CPB2: variants seen among roughly 807,000 people sequenced by gnomAD.
CPB2 encodes carboxypeptidase B2, also known as carboxypeptidase B-like protein.
In CPB2, 54 loss-of-function variants were observed where a neutral mutation model predicts 57.0. The ratio of observed to expected loss-of-function variants is 0.95; its 90% confidence interval spans 0.76 to 1.19. The LOEUF (loss-of-function observed/expected upper bound fraction) is 1.19. CPB2 is among the 50% of genes most tolerant of loss of function. The probability of loss-of-function intolerance (pLI) is 0.00; values close to 1 mark genes in which losing one functional copy is unlikely to be tolerated. For synonymous variants in CPB2, 189 were observed against 178.1 expected, an observed-to-expected ratio of 1.06 and a Z score of -0.49; for missense variants, 426 against 512.0, an observed-to-expected ratio of 0.83 and a Z score of 1.62.
chr13:46,082,743 A>G (rs1201476718), intron 3 of CPB2, among the ~76,000 whole-genome samples, 194 bp from the exon 4 acceptor site: 5 of 152,232 alleles, frequency 3.3e-5, no homozygotes, highest in African/African-American at 1.2e-4. Context: ...TAGAGCCTAC[A>G]TGGGCACTAG....
chr13:46,071,582 G>A (rs948447882), intron 6 of CPB2, among the ~76,000 whole-genome samples: 3 of 152,124 alleles, frequency 2.0e-5, no homozygotes, highest in Non-Finnish European at 4.4e-5. Flanking sequence ...AGAGTTGGAG[G>A]GGAATAAAGA....
Position 46,082,327 on chromosome 13 carries a change from T to C in CPB2, c.384+114A>G, listed in dbSNP as rs143545360. ...CATTTAATTAACCTAAGTGTGTTTGTGTTTTATTTTTTACCATCTTCCACC... is the reference window on the plus strand; with the variant it reads ...CATTTAATTAACCTAAGTGTGTTTGCGTTTTATTTTTTACCATCTTCCACC... On this transcript the variant is annotated intron_variant, in intron 4 of 10. Coordinates refer to ENST00000181383, the MANE Select transcript of CPB2 (RefSeq NM_001872.5). 9.2e-4 allele frequency: 543 copies of C among 592,962 alleles called. 4 individuals carry two copies. The highest frequency in any genetic ancestry group is 8.7e-3 in the African/African-American group (474 of 54,504). The allele number at this position is 592,962 out of a possible 1,614,324, so 36.7% of individuals were successfully genotyped here.
intron 1 of CPB2, among the ~76,000 whole-genome samples, chr13:46,095,438 A>C (rs954393692): frequency 6.6e-6 from 1 of 152,200 alleles, no homozygotes; most frequent in African/African-American, 2.4e-5. Flanking sequence ...TGCCATCTGG[A>C]TCCCACAAAA....
chr13:46,085,462 G>T (rs2045188598), intron 2 of CPB2, among the ~76,000 whole-genome samples: 1 of 152,180 alleles, frequency 6.6e-6, no homozygotes, highest in Non-Finnish European at 1.5e-5. Flanking sequence ...AGGCCATGTG[G>T]TCTCAGGGCT....
chr13:46,053,686 G>A lies in CPB2; in HGVS notation c.1200C>T (p.Tyr400=), dbSNP rs1308808694. 6.2e-6 allele frequency: 10 copies of A among 1,614,076 alleles called. No individual in the cohort carries two copies. The highest frequency in any genetic ancestry group is 8.5e-6 in the Non-Finnish European group (10 of 1,180,038). ...AAGCTTCTCTACAGGTGGGTTTGAT[G>A]TAACGCTCCGGCAGCAAGAATCCGT... ...GTYGFLLPER[Y]IKPTCREAFA... Residue 400 remains tyrosine, a synonymous_variant, in exon 11 of 11, where the codon TAC becomes TAT. Transcript: ENST00000181383.
chr13:46,096,768 G>A (rs946391429), intron 1 of CPB2, among the ~76,000 whole-genome samples: 15 of 151,954 alleles, frequency 9.9e-5, no homozygotes, highest in African/African-American at 3.6e-4. Context: ...GACAGAGGGA[G>A]ACTCCATCTC....
At chr13:46,102,455 CT>C (rs2045445826) in intron 1 of CPB2, among the ~76,000 whole-genome samples, 1 of 147,150 alleles carries the variant, frequency 6.8e-6, no homozygotes, top group Admixed American at 7.0e-5. Context: ...GGGCATTTCA[CT>C]GATGAAATTT....
chr13:46,100,220 A>G (rs1396172800), intron 1 of CPB2: 2 of 152,244 alleles, frequency 1.3e-5, no homozygotes, highest in South Asian at 4.1e-4. Flanking sequence ...AATTCAAAAA[A>G]TAAGTTAGGA....
At chr13:46,074,388 A>G (rs1326400) in intron 5 of CPB2, among the ~76,000 whole-genome samples, 52,176 of 151,958 alleles carry the variant, frequency 0.34, 9,177 homozygotes, top group African/African-American at 0.39. Flanking sequence ...AGACACACCC[A>G]GAGCAAAAAC....
At chr13:46,066,316 A>G (rs927277906) in intron 7 of CPB2, among the ~76,000 whole-genome samples, 1 of 152,214 alleles carries the variant, frequency 6.6e-6, no homozygotes, top group African/African-American at 2.4e-5. Context: ...ATGTTGAGTA[A>G]CCAGAAAATA....
chr13:46,086,667 G>T (rs988448954), intron 2 of CPB2, among the ~76,000 whole-genome samples: 1 of 152,196 alleles, frequency 6.6e-6, no homozygotes, highest in African/African-American at 2.4e-5. Context: ...GCTTGAAGGT[G>T]GGGCTTCACC....
At chr13:46,068,233 A>G (rs531258399) in intron 6 of CPB2, among the ~76,000 whole-genome samples, 2 of 152,324 alleles carry the variant, frequency 1.3e-5, no homozygotes, top group South Asian at 4.1e-4. Context: ...TTAGTTTATA[A>G]TTGTTTGTTG....
At chr13:46,101,169 GCC>G (rs773586423) in intron 1 of CPB2, 2 of 152,046 alleles carry the variant, frequency 1.3e-5, no homozygotes, top group Non-Finnish European at 2.9e-5. Flanking sequence ...ATCAGCCTAT[GCC>G]CAGTAAGACA....
intron 4 of CPB2, among the ~76,000 whole-genome samples, chr13:46,080,249 CTGG>C (rs1337268121): frequency 6.6e-6 from 1 of 152,170 alleles, no homozygotes; most frequent in Non-Finnish European, 1.5e-5. Context: ...TTAAGATCTC[CTGG>C]TGTGAGTCAA....
rs1016894489 is a variant in CPB2, at chr13:46,087,442, T to C, written c.150+303A>G. On this transcript the variant is annotated intron_variant, in intron 2 of 10. Coordinates refer to ENST00000181383, the MANE Select transcript of CPB2 (RefSeq NM_001872.5). ...CTGGTGCATCCTTGGTTAAGAACCA[T>C]TGTTTCATGAGTAAGGTTTTATTTA... Among the ~76,000 whole-genome samples the C allele has an allele frequency of 2.6e-5, 4 of 152,244 alleles. No individual in the cohort carries two copies. In the East Asian group the frequency reaches 5.8e-4, roughly 22 times the overall value.
intron 1 of CPB2, among the ~76,000 whole-genome samples, chr13:46,091,078 G>T (rs1341458265): frequency 6.6e-6 from 1 of 152,098 alleles, no homozygotes; most frequent in Non-Finnish European, 1.5e-5. Flanking sequence ...GTTAGTAAAT[G>T]GTAACTTTTA....
intron 6 of CPB2, among the ~76,000 whole-genome samples, chr13:46,067,634 C>T (rs2044876472): frequency 1.3e-5 from 2 of 152,028 alleles, no homozygotes; most frequent in African/African-American, 4.8e-5. Context: ...TTAATGAAGG[C>T]AGACAATCGA....
In CPB2 at chr13:46,058,390, A is replaced by G; in HGVS notation, c.797-9T>C. 1 of 1,613,396 alleles carries G rather than the reference A, an allele frequency of 6.2e-7. No homozygotes were observed. Among genetic ancestry groups the G allele is most frequent in the Non-Finnish European group, 8.5e-7 (1 of 1,179,500 alleles). ...ACTGGATGCACCTTCCTCTGTAACG[A>G]AATTGTTAAGGTGAAATTATGAGGG... On this transcript the variant is annotated splice_polypyrimidine_tract_variant and intron_variant, in intron 8 of 10. Coordinates refer to ENST00000181383, the MANE Select transcript of CPB2 (RefSeq NM_001872.5).
chr13:46,063,921 AT>A (rs2044813701), intron 8 of CPB2, among the ~76,000 whole-genome samples: 4 of 151,780 alleles, frequency 2.6e-5, no homozygotes, highest in Admixed American at 6.6e-5. Flanking sequence ...AGTGAAAAAA[AT>A]GTCTTCAAAC....
Sources: allele counts gnomAD v4.1 joint callset (sites outside exome capture counted in the v4.1 genomes callset), GRCh38; gene constraint gnomAD v4.1.1; transcripts MANE v1.5; gene names NCBI Gene and HGNC (gene_info 2026-07-23, HGNC 2026-07-21).